The following METTL8 variants were observed in gnomAD, a reference collection of about 807,000 sequenced individuals.
The protein encoded by METTL8 is methyltransferase 8, tRNA N3-cytidine.
A neutral mutation model predicts 48.7 loss-of-function variants in METTL8; 32 were observed. The ratio of observed to expected loss-of-function variants is 0.66; its 90% CI spans 0.50 to 0.88. The LOEUF (loss-of-function observed/expected upper bound fraction) is 0.88. Among genes scored for constraint, METTL8 ranks in the 40% least tolerant of loss-of-function variants. The probability of loss-of-function intolerance (pLI) is 0.00; values close to 1 mark genes in which losing one functional copy is unlikely to be tolerated. For missense variants in METTL8, 464 were observed against 474.4 expected (o/e 0.98, Z 0.20); for synonymous variants, 136 against 157.1 (o/e 0.87, Z 1.01).
chr2:171,354,318 C>A (rs531751707), intron 3 of METTL8, among the ~76,000 whole-genome samples: 1 of 152,132 alleles, frequency 6.6e-6, no homozygotes, highest in Non-Finnish European at 1.5e-5. Flanking sequence ...GAGTTTCTGC[C>A]GAGAGATCCG....
intron 3 of METTL8, among the ~76,000 whole-genome samples, chr2:171,352,254 G>A (rs970494819): frequency 2.0e-5 from 3 of 152,086 alleles, no homozygotes; most frequent in Admixed American, 6.6e-5. Flanking sequence ...TTAATATGTT[G>A]GATTACGTTT....
chr2:171,413,763 T>C (rs978568973), intron 1 of METTL8, among the ~76,000 whole-genome samples: 6 of 152,200 alleles, frequency 3.9e-5, no homozygotes, highest in African/African-American at 1.4e-4. Flanking sequence ...GTGATATGGA[T>C]AGCGGAAAGC....
At position 171,324,012 on chromosome 2, in the gene METTL8, T is replaced by G; in HGVS notation, c.*160A>C. 1.7e-6 allele frequency: 1 copy of G among 604,444 alleles called. No individual in the cohort carries two copies. Among genetic ancestry groups the G allele is most frequent in the South Asian group, 2.4e-5 (1 of 41,900 alleles). 37.4% of individuals were successfully genotyped at this position (604,444 alleles called of 1,614,324 possible). ...AAAAGGCATACTGTGCTGAACCACT[T>G]ACATGTGCTTAAAATGCACAAAGGA... On this transcript the variant is annotated 3_prime_UTR_variant, in exon 10 of 10. Coordinates refer to ENST00000375258, the MANE Select transcript of METTL8 (RefSeq NM_001321154.2).
chr2:171,431,221 A>G (rs927857775), intron 1 of METTL8, among the ~76,000 whole-genome samples: 3 of 151,922 alleles, frequency 2.0e-5, no homozygotes, highest in Admixed American at 1.3e-4. Flanking sequence ...CATGCCCACA[A>G]TAGAAAATTC....
At chr2:171,387,617 A>T (rs1298234210) in intron 2 of METTL8, among the ~76,000 whole-genome samples, 3 of 151,904 alleles carry the variant, frequency 2.0e-5, no homozygotes, top group Non-Finnish European at 2.9e-5. Context: ...CATATATCCA[A>T]ATTTTCATTC....
At position 171,321,469 on chromosome 2, in the gene METTL8, TG is replaced by T. The variant is rs1239216485; in HGVS notation, c.*2702del. On this transcript the variant is annotated 3_prime_UTR_variant, in exon 10 of 10. Transcript: ENST00000375258. ...GTTTTTCCCATGTTGCCCATTCTGG[TG>T]GCATCATCAATTAAGCTGCCCTGCC... is the stretch of plus-strand genomic sequence containing the variant. The T allele has an allele frequency of 2.0e-5, 3 of 152,208 alleles. No individual in the cohort carries two copies. Among genetic ancestry groups the T allele is most frequent in the African/African-American group, 7.2e-5 (3 of 41,450 alleles). 9.4% of individuals were successfully genotyped at this position (152,208 alleles called of 1,614,324 possible).
At chr2:171,340,704 T>C (rs765857567) in intron 3 of METTL8, among the ~76,000 whole-genome samples, 9 of 152,160 alleles carry the variant, frequency 5.9e-5, no homozygotes, top group South Asian at 2.1e-4. Context: ...AAAGGGTCCA[T>C]TGGAACAATT....
intron 3 of METTL8, among the ~76,000 whole-genome samples, chr2:171,347,479 A>G (rs1683399822): frequency 6.6e-6 from 1 of 152,244 alleles, no homozygotes; most frequent in South Asian, 2.1e-4. Context: ...TTAAGGGAAC[A>G]CTATCAGCAC....
chr2:171,387,150 G>A (rs1192480785), intron 2 of METTL8, among the ~76,000 whole-genome samples: 1 of 152,012 alleles, frequency 6.6e-6, no homozygotes, highest in African/African-American at 2.4e-5. Flanking sequence ...ATAAGGCAGG[G>A]GTATAACTGA....
intron 2 of METTL8, among the ~76,000 whole-genome samples, chr2:171,391,616 C>T (rs547122553): frequency 4.9e-4 from 74 of 152,226 alleles, no homozygotes; most frequent in African/African-American, 1.5e-3. Flanking sequence ...AAAGCATAGA[C>T]GAGAATCATA....
At chr2:171,338,640 CAAAA>C (rs759525102) in intron 4 of METTL8, among the ~76,000 whole-genome samples, 2 of 65,426 alleles carry the variant, frequency 3.1e-5, no homozygotes, top group Non-Finnish European at 3.2e-5. Flanking sequence ...AAGTCTGTCT[CAAAA>C]AAAAAAAAAA....
chr2:171,425,656 A>G (rs960330187), intron 1 of METTL8, among the ~76,000 whole-genome samples: 2 of 152,232 alleles, frequency 1.3e-5, no homozygotes, highest in Admixed American at 6.5e-5. Flanking sequence ...GGCTGACACC[A>G]TAATTTCAGC....
intron 2 of METTL8, among the ~76,000 whole-genome samples, chr2:171,373,340 T>C (rs1221131192): frequency 3.3e-5 from 5 of 152,358 alleles, no homozygotes; most frequent in Non-Finnish European, 7.3e-5. Context: ...TGTTTTTTTC[T>C]TGTAAATTTG....
rs545393828 is a variant in METTL8, at chr2:171,373,322, G to C, written c.144-12809C>G. 8.5e-5 allele frequency among the ~76,000 whole-genome samples: 13 copies of C among 152,258 alleles called. No individual in the cohort carries two copies. In the South Asian group the frequency reaches 1.0e-3, roughly 12 times the overall value. On this transcript the variant is annotated intron_variant, in intron 2 of 9. Coordinates refer to ENST00000375258, the MANE Select transcript of METTL8 (RefSeq NM_001321154.2). ...TGTTCATATCCTTTGCCCACTTTTT[G>C]ATGGGGTTGTTTTTTTCTTGTAAAT...
chr2:171,383,576 G>A (rs1193662611), intron 2 of METTL8, among the ~76,000 whole-genome samples: 1 of 152,172 alleles, frequency 6.6e-6, no homozygotes, highest in Non-Finnish European at 1.5e-5. Flanking sequence ...CTTACTGGGA[G>A]CATGCCAATG....
intron 3 of METTL8, among the ~76,000 whole-genome samples, chr2:171,348,683 T>A (rs537528372): frequency 3.3e-5 from 5 of 152,198 alleles, no homozygotes; most frequent in Non-Finnish European, 7.3e-5. Flanking sequence ...TCTGGATTAA[T>A]AGTAATATTC....
chr2:171,350,578 G>A (rs188758782), intron 3 of METTL8, among the ~76,000 whole-genome samples: 13,464 of 152,050 alleles, frequency 0.089, 727 homozygotes, highest in African/African-American at 0.16. Flanking sequence ...CAGTCCCACC[G>A]ACAGTTTAAA....
intron 2 of METTL8, among the ~76,000 whole-genome samples, chr2:171,387,857 AAAAGCCCATGAATC>A (rs1307171521): frequency 6.6e-6 from 1 of 152,184 alleles, no homozygotes; most frequent in Non-Finnish European, 1.5e-5. Flanking sequence ...TAAAAACATA[AAAAGCCCATGAATC>A]ACCTTCCTAG....
intron 2 of METTL8, among the ~76,000 whole-genome samples, chr2:171,373,314 C>T (rs1686572180): frequency 6.6e-6 from 1 of 152,252 alleles, no homozygotes; most frequent in East Asian, 1.9e-4. Context: ...ATCCTTTGCC[C>T]ACTTTTTGAT....
Sources: gnomAD v4.1 joint callset for allele counts (sites outside exome capture counted in the v4.1 genomes callset) on GRCh38, gnomAD v4.1.1 for gene constraint, MANE v1.5 for transcripts, NCBI Gene and HGNC (gene_info 2026-07-23, HGNC 2026-07-21) for gene names.